STRADB: variants seen among roughly 807,000 people sequenced by gnomAD.
STRADB encodes the protein STE20-related kinase adapter protein beta.
A neutral mutation model predicts 52.1 loss-of-function variants in STRADB; 34 were observed. That is an observed-to-expected ratio of 0.65 (90% CI 0.50 to 0.87). The LOEUF is 0.87. Ranked by LOEUF, STRADB falls within the 40% of genes least tolerant of loss-of-function variation. The probability of loss-of-function intolerance (pLI) is 0.00; values close to 1 mark genes in which losing one functional copy is unlikely to be tolerated. For synonymous variants in STRADB, 133 were observed against 174.5 expected (o/e 0.76, Z 1.87); for missense variants, 340 against 483.9 (o/e 0.70, Z 2.79).
At chr2:201,458,023 CA>C (rs528442329) in intron 2 of STRADB, among the ~76,000 whole-genome samples, 127 of 139,958 alleles carry the variant, frequency 9.1e-4, no homozygotes, top group Non-Finnish European at 1.2e-3. Context: ...GACTCCGTCT[CA>C]AAAAAAAAAA....
chr2:201,468,969 G>A (rs1952348296), intron 3 of STRADB, among the ~76,000 whole-genome samples: 1 of 152,152 alleles, frequency 6.6e-6, no homozygotes, highest in African/African-American at 2.4e-5. Flanking sequence ...ATTTCCAATC[G>A]TATAGTAGAA....
At chr2:201,461,517 C>T (rs1952216094) in intron 3 of STRADB, among the ~76,000 whole-genome samples, 1 of 152,152 alleles carries the variant, frequency 6.6e-6, no homozygotes, top group Admixed American at 6.5e-5. Context: ...ATCTTTTGCC[C>T]ATTTTTAAAT....
At chr2:201,458,339 A>G (rs1221190414) in intron 2 of STRADB, among the ~76,000 whole-genome samples, 1 of 152,206 alleles carries the variant, frequency 6.6e-6, no homozygotes, top group Non-Finnish European at 1.5e-5. Flanking sequence ...TTTTCACTCA[A>G]TATGTGGCTT....
At chr2:201,478,039 G>T in intron 8 of STRADB, 48 bp from the exon 9 acceptor site, 2 of 1,495,024 alleles carry the variant, frequency 1.3e-6, no homozygotes, top group South Asian at 1.2e-5. Context: ...TATAACTTTT[G>T]GTTAACTTAT....
chr2:201,455,351 T>G lies in STRADB; in HGVS notation c.12+499T>G, dbSNP rs527291284. Among the ~76,000 whole-genome samples the G allele has an allele frequency of 5.3e-5, 8 of 152,334 alleles. No homozygotes were observed. The South Asian group carries it at 1.7e-3, about 32-fold the overall frequency. On this transcript the variant is annotated intron_variant, in intron 2 of 11. Coordinates refer to ENST00000194530, the MANE Select transcript of STRADB (RefSeq NM_018571.6). The stretch of plus-strand genomic sequence containing the variant: ...TTTAGATTAAGTAGCTTGAGGACTT[T>G]CATCCTGTTTTATACATAATAATAA...
intron 3 of STRADB, among the ~76,000 whole-genome samples, chr2:201,461,222 C>T (rs1952210716): frequency 6.6e-6 from 1 of 152,038 alleles, no homozygotes; most frequent in African/African-American, 2.4e-5. Flanking sequence ...TGGCATCTTG[C>T]TTTGCCACCC....
chr2:201,464,671 C>G (rs972759062), intron 3 of STRADB, among the ~76,000 whole-genome samples: 7 of 152,244 alleles, frequency 4.6e-5, no homozygotes, highest in Non-Finnish European at 7.3e-5. Flanking sequence ...TCCTTCTCTT[C>G]AGGGCAGTGA....
chr2:201,461,215 C>G (rs568175311), intron 3 of STRADB, among the ~76,000 whole-genome samples: 1 of 152,152 alleles, frequency 6.6e-6, no homozygotes, highest in African/African-American at 2.4e-5. Context: ...TTAGAGATGG[C>G]ATCTTGCTTT....
At chr2:201,470,643 C>T (rs1177426019) in intron 4 of STRADB, among the ~76,000 whole-genome samples, 3 of 152,128 alleles carry the variant, frequency 2.0e-5, no homozygotes, top group Admixed American at 2.0e-4. Flanking sequence ...GATGAAGACA[C>T]AATATAGCTT....
At chr2:201,479,200 GT>G (rs1197051922) in intron 10 of STRADB, 1 of 261,322 alleles carries the variant, frequency 3.8e-6, no homozygotes, top group Non-Finnish European at 7.2e-6. Context: ...GCACATTTAC[GT>G]TAAGACTCTA....
chr2:201,453,286 G>A (rs1009376682), intron 1 of STRADB, among the ~76,000 whole-genome samples: 6 of 152,084 alleles, frequency 3.9e-5, no homozygotes, highest in Admixed American at 3.9e-4. Flanking sequence ...GTAACAACTT[G>A]CTGACATTGA....
At chr2:201,464,923 T>G (rs981604859) in intron 3 of STRADB, among the ~76,000 whole-genome samples, 2 of 152,184 alleles carry the variant, frequency 1.3e-5, no homozygotes. Context: ...AGTGTTCACT[T>G]GAGGCCCGAG....
At position 201,480,198 on chromosome 2, in the gene STRADB, C is replaced by T; in HGVS notation, c.*23C>T. The T allele has an allele frequency of 1.2e-6, 2 of 1,610,832 alleles. No homozygotes were observed. The highest frequency in any genetic ancestry group is 1.7e-6 in the Non-Finnish European group (2 of 1,178,410). On this transcript the variant is annotated 3_prime_UTR_variant, in exon 12 of 12. Transcript: ENST00000194530. ...TAGGGCTGCCAAATCATTTTATGTC[C>T]TATATACTTGACACTTTCTCCTTGC...
At chr2:201,469,409 A>C (rs1363445923) in intron 3 of STRADB, among the ~76,000 whole-genome samples, 7 of 152,192 alleles carry the variant, frequency 4.6e-5, no homozygotes, top group Admixed American at 3.9e-4. Context: ...GTACTTGGTC[A>C]TTCACTTAGG....
At chr2:201,476,849 G>A (rs573098471) in intron 7 of STRADB, among the ~76,000 whole-genome samples, 40 of 149,916 alleles carry the variant, frequency 2.7e-4, no homozygotes, top group African/African-American at 9.8e-4. Context: ...AGGTGTGGTG[G>A]CACACACCTG....
intron 3 of STRADB, among the ~76,000 whole-genome samples, chr2:201,464,448 T>G (rs1453289505): frequency 3.9e-5 from 6 of 152,222 alleles, no homozygotes; most frequent in Non-Finnish European, 5.9e-5. Context: ...CCCAAACAGT[T>G]TCTCTTTCCA....
rs1952043902 is a variant in STRADB, at chr2:201,451,782, C to G, written c.-252C>G. On this transcript the variant is annotated 5_prime_UTR_variant, in exon 1 of 12. Transcript: ENST00000194530. ...TGGGACTGGTGCAGAGTTCCAAGCC[C>G]ACGGCCCCGGTCGCGGCCTCGCCGC... is the stretch of plus-strand genomic sequence containing the variant. The G allele has an allele frequency of 6.6e-6, 1 of 152,040 alleles. No homozygotes were observed. Among genetic ancestry groups the G allele is most frequent in the South Asian group, 2.1e-4 (1 of 4,832 alleles). The allele number at this position is 152,040 out of a possible 1,614,324, so 9.4% of individuals were successfully genotyped here.
chr2:201,463,123 G>A (rs1303232769), intron 3 of STRADB, among the ~76,000 whole-genome samples: 2 of 152,162 alleles, frequency 1.3e-5, no homozygotes, highest in Admixed American at 6.5e-5. Context: ...GGATCACAAG[G>A]TCAGGAGATT....
rs765720049 is a variant in STRADB, at chr2:201,477,699, T to A, written c.629T>A (p.Val210Asp). The A allele has an allele frequency of 3.2e-5, 52 of 1,613,682 alleles. No individual in the cohort carries two copies. Among genetic ancestry groups the A allele is most frequent in the Admixed American group, 3.0e-4 (18 of 60,000 alleles). Residue 210 changes from valine (V) to aspartate (D), a missense_variant, in exon 8 of 12, where the codon GTT (valine) becomes GAT (aspartate). Physicochemically the swap from Val to Asp is radical, Grantham distance 152. Coordinates refer to ENST00000194530, the MANE Select transcript of STRADB (RefSeq NM_018571.6). ...GGCCTGTCCCATCTGCATAGTTTGG[T>A]TAAGCATGGACAGAGGCATAGGGCT... ...LSGLSHLHSL[V>D]KHGQRHRAVY...
Sources: allele counts gnomAD v4.1 joint callset (sites outside exome capture counted in the v4.1 genomes callset), GRCh38; gene constraint gnomAD v4.1.1; transcripts MANE v1.5; gene names NCBI Gene and HGNC (gene_info 2026-07-23, HGNC 2026-07-21).